The following COMMD1 variants were observed in gnomAD, a reference collection of about 807,000 sequenced individuals.
COMMD1 encodes COMM domain-containing protein 1.
In COMMD1, 10 loss-of-function variants were observed where a neutral mutation model predicts 17.2. The ratio of observed to expected loss-of-function variants is 0.58; its 90% CI spans 0.36 to 0.99. The LOEUF (loss-of-function observed/expected upper bound fraction) is 0.99. Ranked by LOEUF, COMMD1 falls within the 50% of genes least tolerant of loss-of-function variation. The pLI is 0.01. For synonymous variants in COMMD1, 97 were observed against 91.6 expected, an observed-to-expected ratio of 1.06 and a Z score of -0.34; for missense variants, 270 against 231.8, an observed-to-expected ratio of 1.17 and a Z score of -1.07.
intron 1 of COMMD1, 68 bp downstream of exon 1, chr2:61,905,926 C>A: frequency 6.7e-6 from 10 of 1,503,626 alleles, no homozygotes; most frequent in South Asian, 1.1e-5. Flanking sequence ...AGACTCTCCC[C>A]CCCTTGCCTT....
chr2:61,906,402 A>G (rs1032122647), intron 1 of COMMD1, among the ~76,000 whole-genome samples: 1 of 152,256 alleles, frequency 6.6e-6, no homozygotes, highest in East Asian at 1.9e-4. Flanking sequence ...TATTTTAGTA[A>G]TATATCTTAT....
intron 1 of COMMD1, among the ~76,000 whole-genome samples, chr2:61,913,366 C>CCAAAAA (rs1669960219): frequency 7.1e-5 from 3 of 41,986 alleles, no homozygotes; most frequent in Admixed American, 5.5e-4. Context: ...GACTCCATCT[C>CCAAAAA]AAAAAAAAAA....
At chr2:61,921,170 A>G (rs1417366746) in intron 1 of COMMD1, among the ~76,000 whole-genome samples, 1 of 151,864 alleles carries the variant, frequency 6.6e-6, no homozygotes, top group African/African-American at 2.4e-5. Flanking sequence ...AGGTTTTACC[A>G]TATTGGCCAG....
chr2:62,056,689 G>T (rs1409654052), intron 2 of COMMD1, among the ~76,000 whole-genome samples: 5 of 152,176 alleles, frequency 3.3e-5, no homozygotes, highest in Non-Finnish European at 7.3e-5. Context: ...GCTGGTGCAT[G>T]ATCACCAATC....
chr2:61,984,838 T>A lies in COMMD1; in HGVS notation c.181-15863T>A, dbSNP rs555484057. On this transcript the variant is annotated intron_variant, in intron 1 of 2. Transcript: ENST00000311832. ...CTTTATATATCTGGGTGCTCTAGTG[T>A]CAGTGCATATATATTTAAAATTGTT... 2.6e-5 allele frequency among the ~76,000 whole-genome samples: 4 copies of A among 152,282 alleles called. No individual in the cohort carries two copies. In the East Asian group the frequency reaches 7.7e-4, roughly 29 times the overall value.
rs112285857 is a variant in COMMD1 at position 61,935,822 on chromosome 2, AT to A, written c.180+29976del. ...ACATATGCTTGATCTTAGGTTATCGATTTTTTTTTTTTGAGACAGAGTCTCA... is the reference window on the plus strand; with the variant it reads ...ACATATGCTTGATCTTAGGTTATCGATTTTTTTTTTTGAGACAGAGTCTCA... On this transcript the variant is annotated intron_variant, in intron 1 of 2. Coordinates refer to ENST00000311832, the MANE Select transcript of COMMD1 (RefSeq NM_152516.4). Among the ~76,000 whole-genome samples, 228 of 145,694 alleles carry A rather than the reference AT, an allele frequency of 1.6e-3. 1 individual carries two copies. The highest frequency in any genetic ancestry group is 0.012 in the South Asian group (57 of 4,594).
intron 2 of COMMD1, among the ~76,000 whole-genome samples, chr2:62,132,790 A>G (rs1673080464): frequency 6.6e-6 from 1 of 152,140 alleles, no homozygotes; most frequent in South Asian, 2.1e-4. Flanking sequence ...CAAAGGTTGC[A>G]GATTGGGCCA....
rs796572928 is a variant in COMMD1 at position 62,074,504 on chromosome 2, A to G, written c.463-61327A>G. Among the ~76,000 whole-genome samples, 21 of 152,370 alleles carry G rather than the reference A, an allele frequency of 1.4e-4. 1 individual carries two copies. The highest frequency in any genetic ancestry group is 5.1e-4 in the African/African-American group (21 of 41,584). ...GGTCACTTGGGAAATTCCAAGGTTT[A>G]GATGCCTTCTACCAGGAACTTGGGA... On this transcript the variant is annotated intron_variant, in intron 2 of 2. Coordinates refer to ENST00000311832, the MANE Select transcript of COMMD1 (RefSeq NM_152516.4).
chr2:61,971,964 T>A (rs1472834304), intron 1 of COMMD1, among the ~76,000 whole-genome samples: 2 of 151,666 alleles, frequency 1.3e-5, no homozygotes, highest in African/African-American at 4.8e-5. Context: ...CTACAGAAAA[T>A]TTTAAAAATT....
At chr2:61,960,985 C>G (rs1454292202) in intron 1 of COMMD1, among the ~76,000 whole-genome samples, 1 of 152,212 alleles carries the variant, frequency 6.6e-6, no homozygotes, top group East Asian at 1.9e-4. Context: ...CAGGTGTGTC[C>G]TGGCTCTCTT....
chr2:62,101,971 T>G lies in COMMD1; in HGVS notation c.463-33860T>G, dbSNP rs554855730. ...CTCCCTGAAGGTCAGCCTATAGTAC[T>G]GAAATTTCTAACACTCAAATCATGC... On this transcript the variant is annotated intron_variant, in intron 2 of 2. Coordinates refer to ENST00000311832, the MANE Select transcript of COMMD1 (RefSeq NM_152516.4). Among the ~76,000 whole-genome samples, 90 of 152,306 alleles carry G rather than the reference T, an allele frequency of 5.9e-4. No homozygotes were observed. The South Asian group carries it at 6.0e-3, about 10-fold the overall frequency.
At chr2:61,906,292 C>A (rs543271230) in intron 1 of COMMD1, among the ~76,000 whole-genome samples, 1 of 152,306 alleles carries the variant, frequency 6.6e-6, no homozygotes, top group East Asian at 1.9e-4. Context: ...ATCTGTCAAG[C>A]AGTCCACTGC....
chr2:62,115,195 T>A (rs1342689925), intron 2 of COMMD1, among the ~76,000 whole-genome samples: 2 of 152,324 alleles, frequency 1.3e-5, no homozygotes, highest in East Asian at 3.9e-4. Context: ...ACCACACAGC[T>A]AGAAGGTGGT....
chr2:61,932,364 T>C (rs544634266), intron 1 of COMMD1, among the ~76,000 whole-genome samples: 29 of 152,380 alleles, frequency 1.9e-4, no homozygotes, highest in Admixed American at 1.7e-3. Flanking sequence ...GACCCCTTGA[T>C]AGTAAAACAG....
intron 1 of COMMD1, among the ~76,000 whole-genome samples, chr2:61,924,845 T>C (rs1670287350): frequency 6.6e-6 from 1 of 152,134 alleles, no homozygotes; most frequent in East Asian, 1.9e-4. Flanking sequence ...AAGAAGAGAC[T>C]GTCGGTGACG....
At chr2:61,995,921 T>A (rs975370609) in intron 1 of COMMD1, among the ~76,000 whole-genome samples, 3 of 152,168 alleles carry the variant, frequency 2.0e-5, no homozygotes, top group Non-Finnish European at 4.4e-5. Context: ...CACAATAAAG[T>A]GAATAATGCA....
intron 1 of COMMD1, among the ~76,000 whole-genome samples, chr2:61,930,767 G>C (rs1670445794): frequency 6.6e-6 from 1 of 151,626 alleles, no homozygotes. Flanking sequence ...TTGGAAGGTT[G>C]CTTGATAGGC....
At chr2:62,012,995 G>T (rs2103835582) in intron 2 of COMMD1, among the ~76,000 whole-genome samples, 1 of 152,224 alleles carries the variant, frequency 6.6e-6, no homozygotes, top group Non-Finnish European at 1.5e-5. Context: ...ACCAAGGCAA[G>T]AAATTAGCCT....
At chr2:62,046,000 G>C (rs1003908443) in intron 2 of COMMD1, among the ~76,000 whole-genome samples, 2 of 152,150 alleles carry the variant, frequency 1.3e-5, no homozygotes, top group Admixed American at 1.3e-4. Context: ...GCCTCCCAAA[G>C]TGCTGGGATT....
Sources: gnomAD v4.1 joint callset for allele counts (sites outside exome capture counted in the v4.1 genomes callset) on GRCh38, gnomAD v4.1.1 for gene constraint, MANE v1.5 for transcripts, NCBI Gene and HGNC (gene_info 2026-07-23, HGNC 2026-07-21) for gene names.